Variants in SPAG16 observed in about 807,000 individuals in gnomAD.
The protein encoded by SPAG16 is sperm-associated antigen 16 protein.
Under a neutral mutation model 80.4 loss-of-function variants are expected in SPAG16, and 86 were observed. The observed-to-expected ratio is 1.07, with a 90% confidence interval of 0.90 to 1.28. SPAG16 has a LOEUF of 1.28. Ranked by LOEUF, SPAG16 falls within the 50% of genes most tolerant of loss-of-function variation. SPAG16 has a pLI of 0.00. For synonymous variants in SPAG16, 294 were observed against 265.9 expected (o/e 1.11, Z -1.03); for missense variants, 870 against 765.3 (o/e 1.14, Z -1.61).
At chr2:213,326,406 GAT>G (rs1384450081) in intron 5 of SPAG16, among the ~76,000 whole-genome samples, 2 of 152,012 alleles carry the variant, frequency 1.3e-5, no homozygotes, top group African/African-American at 4.8e-5. Context: ...TGAAAATAAA[GAT>G]AATAATGAGG....
chr2:213,363,371 T>A (rs1398717546), intron 7 of SPAG16, among the ~76,000 whole-genome samples: 1 of 152,086 alleles, frequency 6.6e-6, no homozygotes, highest in Non-Finnish European at 1.5e-5. Flanking sequence ...CTATAGGTTA[T>A]AATTAATAAA....
At position 214,410,121 on chromosome 2, in the gene SPAG16, T is replaced by TCC; in HGVS notation, c.1721-18_1721-17dup. On this transcript the variant is annotated intron_variant, in intron 15 of 15. Coordinates refer to ENST00000331683, the MANE Select transcript of SPAG16 (RefSeq NM_024532.5). The stretch of plus-strand genomic sequence containing the variant: ...AACTTTGATTCATTCTCTCTCTCTC[T>TCC]CCTCTCTGTCTCCCTCAGGTCGAGT... 6.2e-7 allele frequency: 1 copy of TCC among 1,612,044 alleles called. No homozygotes were observed. Among genetic ancestry groups the TCC allele is most frequent in the Non-Finnish European group, 8.5e-7 (1 of 1,178,178 alleles).
At chr2:214,081,361 G>T (rs1476998293) in intron 13 of SPAG16, among the ~76,000 whole-genome samples, 1 of 152,164 alleles carries the variant, frequency 6.6e-6, no homozygotes, top group African/African-American at 2.4e-5. Flanking sequence ...CAGTGGTACA[G>T]AATTGGGAAT....
At chr2:213,957,212 C>A (rs187394031) in intron 12 of SPAG16, among the ~76,000 whole-genome samples, 60 of 152,182 alleles carry the variant, frequency 3.9e-4, no homozygotes, top group Admixed American at 1.2e-3. Flanking sequence ...TATTGAAATG[C>A]AGGACACTGA....
intron 15 of SPAG16, among the ~76,000 whole-genome samples, chr2:214,171,033 G>T (rs1454591388): frequency 6.6e-6 from 1 of 151,978 alleles, no homozygotes; most frequent in Non-Finnish European, 1.5e-5. Context: ...TTGCTGAAGG[G>T]TGTCTAGGCT....
At chr2:214,302,019 AT>A (rs1435958659) in intron 15 of SPAG16, among the ~76,000 whole-genome samples, 1 of 151,628 alleles carries the variant, frequency 6.6e-6, no homozygotes, top group Non-Finnish European at 1.5e-5. Context: ...TTCTGCCTCA[AT>A]TTTGTTGTTT....
intron 9 of SPAG16, among the ~76,000 whole-genome samples, chr2:213,426,218 T>C (rs1228097801): frequency 6.6e-6 from 1 of 152,132 alleles, no homozygotes; most frequent in Non-Finnish European, 1.5e-5. Context: ...TGCAAATATT[T>C]TTGGCAGTTT....
intron 11 of SPAG16, among the ~76,000 whole-genome samples, chr2:213,914,884 A>G (rs1056110665): frequency 3.9e-5 from 6 of 152,202 alleles, no homozygotes; most frequent in African/African-American, 1.4e-4. Context: ...GCTGGATATT[A>G]GAACTTTGTC....
At chr2:213,778,881 G>T (rs1158877995) in intron 10 of SPAG16, among the ~76,000 whole-genome samples, 2 of 151,962 alleles carry the variant, frequency 1.3e-5, no homozygotes, top group African/African-American at 4.8e-5. Flanking sequence ...GCCTTCTTTG[G>T]CCCCTTAATT....
intron 9 of SPAG16, among the ~76,000 whole-genome samples, chr2:213,394,952 G>A (rs1046640465): frequency 7.9e-5 from 12 of 152,024 alleles, no homozygotes; most frequent in African/African-American, 2.7e-4. Context: ...TTGAGTTTTG[G>A]TAGTCTGTGG....
At chr2:214,356,814 T>G (rs539355649) in intron 15 of SPAG16, among the ~76,000 whole-genome samples, 28 of 151,804 alleles carry the variant, frequency 1.8e-4, no homozygotes, top group Admixed American at 4.6e-4. Context: ...TGTTAAAATT[T>G]TAATAATGAT....
chr2:213,711,294 G>A (rs1323448359), intron 10 of SPAG16, among the ~76,000 whole-genome samples: 1 of 151,962 alleles, frequency 6.6e-6, no homozygotes, highest in Admixed American at 6.5e-5. Flanking sequence ...ACATGTTGAT[G>A]TGATCTGAAT....
At chr2:213,317,741 A>G in intron 5 of SPAG16, 2 of 985,838 alleles carry the variant, frequency 2.0e-6, no homozygotes, top group East Asian at 1.1e-4. Context: ...TGGTAGAGGA[A>G]TTTCTGTATT....
chr2:213,930,239 C>G, intron 12 of SPAG16, 94 bp downstream of exon 12: 1 of 857,946 alleles, frequency 1.2e-6, no homozygotes, highest in Admixed American at 3.2e-5. Context: ...TTGATGCTAC[C>G]CCAGGGAAAC....
intron 13 of SPAG16, among the ~76,000 whole-genome samples, chr2:214,102,766 A>T (rs2053138974): frequency 6.8e-6 from 1 of 147,128 alleles, no homozygotes. Flanking sequence ...GAGGGGCATA[A>T]AGCAGAAAAA....
intron 8 of SPAG16, 122 bp from the exon 9 acceptor site, chr2:213,374,888 A>T: frequency 1.5e-6 from 1 of 675,554 alleles, no homozygotes; most frequent in Non-Finnish European, 2.5e-6. Context: ...GGGTATCAAT[A>T]ATTTAATGAA....
At chr2:213,788,927 T>C (rs1297569947) in intron 10 of SPAG16, among the ~76,000 whole-genome samples, 1 of 151,942 alleles carries the variant, frequency 6.6e-6, no homozygotes, top group Non-Finnish European at 1.5e-5. Flanking sequence ...TTTATATTAA[T>C]TCTAAGTAGT....
At chr2:214,398,763 A>C (rs1200733810) in intron 15 of SPAG16, among the ~76,000 whole-genome samples, 9 of 152,220 alleles carry the variant, frequency 5.9e-5, no homozygotes, top group Admixed American at 5.9e-4. Context: ...AAATTAGCTT[A>C]ACTTTCTGGC....
chr2:213,350,449 A>T, intron 6 of SPAG16, 79 bp from the exon 7 acceptor site: 1 of 714,318 alleles, frequency 1.4e-6, no homozygotes, highest in Non-Finnish European at 2.2e-6. Flanking sequence ...GAAAAAGAAA[A>T]AAAGGTTTTG....
Sources: gnomAD v4.1 joint callset for allele counts (sites outside exome capture counted in the v4.1 genomes callset) on GRCh38, gnomAD v4.1.1 for gene constraint, MANE v1.5 for transcripts, NCBI Gene and HGNC (gene_info 2026-07-23, HGNC 2026-07-21) for gene names.